The following DNAAF5 variants were observed in gnomAD, a reference collection of about 807,000 sequenced individuals.
DNAAF5 encodes the protein HEAT repeat containing 2.
DNAAF5 carries 64 observed loss-of-function variants against 75.8 expected under a neutral mutation model. The observed-to-expected ratio is 0.84, with a 90% confidence interval of 0.69 to 1.04. The LOEUF is 1.04. Among genes scored for constraint, DNAAF5 ranks in the 50% least tolerant of loss-of-function variants. The pLI is 0.00. For synonymous variants in DNAAF5, 657 were observed against 557.2 expected (o/e 1.18, Z -2.52); for missense variants, 1,269 against 1,178.5 (o/e 1.08, Z -1.12).
intron 12 of DNAAF5, among the ~76,000 whole-genome samples, chr7:780,753 C>G (rs1177956840): frequency 6.6e-6 from 1 of 152,304 alleles, no homozygotes; most frequent in East Asian, 1.9e-4. Context: ...CACCACAGAG[C>G]CTTCCACGCT....
chr7:737,135 A>C (rs948533271), intron 2 of DNAAF5, among the ~76,000 whole-genome samples: 6 of 151,944 alleles, frequency 3.9e-5, no homozygotes, highest in Admixed American at 2.0e-4. Flanking sequence ...TCACTCTGTC[A>C]CCCAGGCTGG....
intron 8 of DNAAF5, chr7:768,421 G>A (rs1778424544): frequency 1.4e-5 from 2 of 146,798 alleles, no homozygotes; most frequent in African/African-American, 5.2e-5. Context: ...GGGCGGAAGT[G>A]TCTGTGCTGC....
In DNAAF5 at chr7:754,822, G is replaced by A. The variant is rs1263987551; in HGVS notation, c.1257+1G>A. ...CGAGGAGGCAGCCGTGGTCCAAAGTGTAAGTGGCCGTATTCCAGTCGTGGT... is the reference window on the plus strand; with the variant it reads ...CGAGGAGGCAGCCGTGGTCCAAAGTATAAGTGGCCGTATTCCAGTCGTGGT... On this transcript the variant is annotated splice_donor_variant, in intron 5 of 12. Transcript: ENST00000297440. LOFTEE classifies it high-confidence loss of function. This position sits in a 1 kb window ranked among gnomAD's most constrained non-coding sequence, Gnocchi z 4.8. The A allele has an allele frequency of 6.9e-6, 11 of 1,596,340 alleles. No individual in the cohort carries two copies. Among genetic ancestry groups the A allele is most frequent in the South Asian group, 2.2e-5 (2 of 90,114 alleles).
chr7:753,814 CTCTCTCA>C (rs916727313), intron 4 of DNAAF5, among the ~76,000 whole-genome samples: 2 of 129,762 alleles, frequency 1.5e-5, no homozygotes, highest in African/African-American at 6.5e-5. Context: ...GCAGGCGTGT[CTCTCTCA>C]TCATATGGGG....
intron 11 of DNAAF5, among the ~76,000 whole-genome samples, chr7:779,053 ACCCACTGGGT>A (rs1245252911): frequency 1.3e-5 from 2 of 152,234 alleles, no homozygotes; most frequent in Non-Finnish European, 2.9e-5. Flanking sequence ...CCAGGAATTA[ACCCACTGGGT>A]CCCACTTGTC....
intron 2 of DNAAF5, among the ~76,000 whole-genome samples, chr7:738,774 C>G (rs1213007332): frequency 6.6e-6 from 1 of 152,188 alleles, no homozygotes; most frequent in Admixed American, 6.5e-5. Flanking sequence ...GCCCCAAATC[C>G]CGGCCCTAGC....
intron 4 of DNAAF5, among the ~76,000 whole-genome samples, chr7:745,531 A>C (rs1173495055): frequency 4.6e-5 from 7 of 150,652 alleles, no homozygotes. Context: ...ACGTGTGTAC[A>C]TGCATATCGT....
At chr7:730,313 G>A (rs954066742) in intron 2 of DNAAF5, among the ~76,000 whole-genome samples, 21 of 152,112 alleles carry the variant, frequency 1.4e-4, no homozygotes, top group African/African-American at 4.6e-4. Flanking sequence ...GGGGCTGAGT[G>A]TTGGCTTTAC....
intron 8 of DNAAF5, among the ~76,000 whole-genome samples, chr7:769,407 G>A (rs1331336593): frequency 6.6e-6 from 1 of 152,136 alleles, no homozygotes; most frequent in Non-Finnish European, 1.5e-5. Context: ...ACAGGGAGGC[G>A]GGGCGGCCCT....
intron 8 of DNAAF5, among the ~76,000 whole-genome samples, chr7:765,230 C>G (rs1340608796): frequency 2.6e-5 from 4 of 152,244 alleles, no homozygotes; most frequent in Non-Finnish European, 5.9e-5. Context: ...CTCATCTACC[C>G]TCACAGCCGG....
chr7:755,195 C>G (rs1252364174), intron 5 of DNAAF5, among the ~76,000 whole-genome samples: 1 of 152,178 alleles, frequency 6.6e-6, no homozygotes, highest in Non-Finnish European at 1.5e-5. Context: ...AGGGCCCTTC[C>G]AGGCCTCGCA....
At chr7:742,206 A>G (rs962430317) in intron 4 of DNAAF5, among the ~76,000 whole-genome samples, 2 of 152,044 alleles carry the variant, frequency 1.3e-5, no homozygotes, top group African/African-American at 2.4e-5. Context: ...TGCTTTCATC[A>G]CTTGAGTCTA....
rs781605077 is a variant in DNAAF5 at position 754,730 on chromosome 7, A to G, written c.1166A>G (p.His389Arg). The G allele has an allele frequency of 5.0e-6, 8 of 1,613,776 alleles. No homozygotes were observed. The South Asian group carries it at 8.8e-5, about 18-fold the overall frequency. Reference protein sequence around the residue: ...SAQLLPVLLLHAEDHATQHLE... With the variant: ...SAQLLPVLLLRAEDHATQHLE... ...CAGCTGCTCCCAGTGCTGCTGCTGCATGCCGAGGACCACGCCACGCAGCAC... is the reference window on the plus strand; with the variant it reads ...CAGCTGCTCCCAGTGCTGCTGCTGCGTGCCGAGGACCACGCCACGCAGCAC... The change falls in exon 5 of 13, where the codon CAT (histidine) becomes CGT (arginine). Residue 389 changes from histidine to arginine, a missense_variant. His to Arg is a conservative substitution (Grantham distance 29). Coordinates refer to ENST00000297440, the MANE Select transcript of DNAAF5 (RefSeq NM_017802.4). This position sits in a 1 kb window ranked among gnomAD's most constrained non-coding sequence, Gnocchi z 4.8.
intron 4 of DNAAF5, among the ~76,000 whole-genome samples, chr7:745,780 C>T (rs1015509184): frequency 1.2e-4 from 18 of 152,264 alleles, no homozygotes; most frequent in African/African-American, 4.1e-4. Context: ...ACCCCGCCAA[C>T]TGTCTGGCCC....
At chr7:769,013 G>T in intron 8 of DNAAF5, 4 of 612,196 alleles carry the variant, frequency 6.5e-6, no homozygotes, top group Non-Finnish European at 1.2e-5. Context: ...GCCCGGCTGC[G>T]TGGGGAGGCC....
rs763568895 is a variant in DNAAF5, at chr7:754,529, C to A, written c.1025-60C>A. ...GTCCCTTAAATGTGATGTGCGGTAA[C>A]TTGAGTTGTTGAGGTTTTGCTTGTG... On this transcript the variant is annotated intron_variant, in intron 4 of 12. Transcript: ENST00000297440. This position sits in a 1 kb window ranked among gnomAD's most constrained non-coding sequence, Gnocchi z 4.8. The A allele has an allele frequency of 1.4e-6, 2 of 1,407,728 alleles. No homozygotes were observed. The highest frequency in any genetic ancestry group is 2.0e-6 in the Non-Finnish European group (2 of 996,662). 87.2% of individuals were successfully genotyped at this position (1,407,728 alleles called of 1,614,324 possible). A position where few individuals can be genotyped will look rare whatever the true frequency, so the allele number is the denominator to read the frequency against.
At chr7:749,139 C>T (rs1782211649) in intron 4 of DNAAF5, among the ~76,000 whole-genome samples, 1 of 152,220 alleles carries the variant, frequency 6.6e-6, no homozygotes, top group Non-Finnish European at 1.5e-5. Flanking sequence ...GTTGGGAGGG[C>T]ACCACTTACC....
chr7:782,852 G>A (rs915405715), intron 12 of DNAAF5, among the ~76,000 whole-genome samples: 1 of 148,428 alleles, frequency 6.7e-6, no homozygotes, highest in African/African-American at 2.5e-5. Flanking sequence ...TCAGAAACTC[G>A]GACCTTCCTG....
intron 9 of DNAAF5, chr7:771,092 C>T (rs1778549380): frequency 6.5e-6 from 1 of 152,970 alleles, no homozygotes; most frequent in African/African-American, 2.4e-5. Flanking sequence ...ATTAGCTGTT[C>T]TCTGTTTTAA....
Sources: allele counts gnomAD v4.1 joint callset (sites outside exome capture counted in the v4.1 genomes callset), GRCh38; gene constraint gnomAD v4.1.1; non-coding constraint Gnocchi (gnomAD v3.1); transcripts MANE v1.5; gene names NCBI Gene and HGNC (gene_info 2026-07-23, HGNC 2026-07-21).